Variants in CADM2 observed in about 807,000 individuals in gnomAD.
CADM2 encodes the protein immunoglobulin superfamily member 4D.
In CADM2, 12 loss-of-function variants were observed where a neutral mutation model predicts 49.8. That is an observed-to-expected ratio of 0.24 (90% CI 0.15 to 0.39). The LOEUF (loss-of-function observed/expected upper bound fraction) is 0.39, where lower values mean the gene tolerates loss of function less well. Among genes scored for constraint, CADM2 ranks in the 10% least tolerant of loss-of-function variants. The pLI is 1.00. For synonymous variants in CADM2, 214 were observed against 175.4 expected, an observed-to-expected ratio of 1.22 and a Z score of -1.74; for missense variants, 378 against 492.3, an observed-to-expected ratio of 0.77 and a Z score of 2.20.
At chr3:85,411,658 C>G (rs1331324191) in intron 1 of CADM2, among the ~76,000 whole-genome samples, 8 of 152,108 alleles carry the variant, frequency 5.3e-5, no homozygotes, top group Admixed American at 5.2e-4. Flanking sequence ...AGAGGAGGCT[C>G]TAATTTGTTG....
chr3:85,707,686 T>A (rs1157444192), intron 1 of CADM2, among the ~76,000 whole-genome samples: 2 of 152,164 alleles, frequency 1.3e-5, no homozygotes, highest in Non-Finnish European at 2.9e-5. Context: ...TTTCTCACAA[T>A]TTTTGTCAAT....
At chr3:85,163,305 A>C (rs927390776) in intron 1 of CADM2, among the ~76,000 whole-genome samples, 2 of 152,098 alleles carry the variant, frequency 1.3e-5, no homozygotes, top group African/African-American at 4.8e-5. Flanking sequence ...ATAATGTTTG[A>C]GGCAGACCTT....
intron 1 of CADM2, among the ~76,000 whole-genome samples, chr3:85,348,707 C>T (rs967747334): frequency 6.6e-6 from 1 of 152,106 alleles, no homozygotes; most frequent in Admixed American, 6.5e-5. Context: ...AACAAACTCA[C>T]TTATAATTAG....
chr3:85,382,088 A>G (rs2033940403), intron 1 of CADM2, among the ~76,000 whole-genome samples: 1 of 152,122 alleles, frequency 6.6e-6, no homozygotes, highest in Non-Finnish European at 1.5e-5. Context: ...TCAAATAATT[A>G]TTGTATAATT....
intron 1 of CADM2, among the ~76,000 whole-genome samples, chr3:85,292,703 G>A (rs550759437): frequency 3.9e-5 from 6 of 151,920 alleles, no homozygotes; most frequent in Non-Finnish European, 7.4e-5. Flanking sequence ...GGTACATAAC[G>A]AAATGAAGGC....
At chr3:85,900,226 C>G (rs1395903999) in intron 5 of CADM2, among the ~76,000 whole-genome samples, 1 of 152,068 alleles carries the variant, frequency 6.6e-6, no homozygotes, top group African/African-American at 2.4e-5. Flanking sequence ...TTCATCTAGA[C>G]TAGAAGGAGT....
intron 1 of CADM2, among the ~76,000 whole-genome samples, chr3:85,119,411 A>T (rs2038769190): frequency 6.6e-6 from 1 of 152,146 alleles, no homozygotes. Context: ...CTTGTAGTAT[A>T]GTTTAAAGTC....
chr3:85,195,747 A>G lies in CADM2; in HGVS notation c.61+236079A>G, dbSNP rs184511325. On this transcript the variant is annotated intron_variant, in intron 1 of 9. Transcript: ENST00000383699. ...TATAGAAAGTTTCTTTTATGCTTGC[A>G]ATTTTCTATTCAGATTTTTTCCAAA... is the stretch of plus-strand genomic sequence containing the variant. Among the ~76,000 whole-genome samples the G allele has an allele frequency of 4.3e-3, 651 of 152,138 alleles. 4 individuals are homozygous for G. Among genetic ancestry groups the G allele is most frequent in the Middle Eastern group, 0.017 (5 of 294 alleles).
intron 8 of CADM2, among the ~76,000 whole-genome samples, chr3:86,004,157 A>G (rs1467331534): frequency 1.3e-5 from 2 of 151,892 alleles, no homozygotes; most frequent in African/African-American, 4.9e-5. Flanking sequence ...AAAACAAAAC[A>G]AAACAAAAAA....
intron 1 of CADM2, among the ~76,000 whole-genome samples, chr3:85,036,357 A>G (rs1353444393): frequency 6.6e-6 from 1 of 152,202 alleles, no homozygotes; most frequent in Non-Finnish European, 1.5e-5. Flanking sequence ...TTAAATAATT[A>G]TAAGCAGTTG....
At chr3:85,906,058 G>T (rs13083559) in intron 5 of CADM2, among the ~76,000 whole-genome samples, 7,915 of 152,188 alleles carry the variant, frequency 0.052, 279 homozygotes, top group Middle Eastern at 0.099. Flanking sequence ...AGTCACACTT[G>T]CCTGCTGCTA....
chr3:85,098,687 C>T (rs754384807), intron 1 of CADM2, among the ~76,000 whole-genome samples: 5 of 152,178 alleles, frequency 3.3e-5, no homozygotes, highest in Non-Finnish European at 7.3e-5. Flanking sequence ...GGATCACCCA[C>T]GTATACCCAA....
chr3:86,056,014 C>A (rs1463640662), intron 8 of CADM2, among the ~76,000 whole-genome samples: 1 of 152,152 alleles, frequency 6.6e-6, no homozygotes, highest in African/African-American at 2.4e-5. Flanking sequence ...TTCTCAGCAG[C>A]AAATGGCCCC....
intron 3 of CADM2, among the ~76,000 whole-genome samples, chr3:85,863,716 T>C (rs1663338795): frequency 6.6e-6 from 1 of 152,116 alleles, no homozygotes; most frequent in Non-Finnish European, 1.5e-5. Flanking sequence ...TAGCGAAAAA[T>C]GATTGAAACA....
At chr3:85,479,759 A>G (rs1412519209) in intron 1 of CADM2, among the ~76,000 whole-genome samples, 1 of 151,960 alleles carries the variant, frequency 6.6e-6, no homozygotes, top group Non-Finnish European at 1.5e-5. Context: ...TGTATTAGGC[A>G]GTAACTCACT....
intron 3 of CADM2, among the ~76,000 whole-genome samples, chr3:85,848,844 T>G (rs1274653567): frequency 6.6e-6 from 1 of 152,200 alleles, no homozygotes; most frequent in Non-Finnish European, 1.5e-5. Flanking sequence ...ACTGGTCTAC[T>G]TCATTTCATC....
chr3:85,811,777 A>G lies in CADM2; in HGVS notation c.238+9581A>G, dbSNP rs914802665. On this transcript the variant is annotated intron_variant, in intron 3 of 9. Coordinates refer to ENST00000383699, the MANE Select transcript of CADM2 (RefSeq NM_001167675.2). Reference sequence around the variant, plus strand: ...TCAGACTGAGTAGATAGTCACCACCATTGTGTATATATTTTCCTCTCTCAA... The same window carrying G: ...TCAGACTGAGTAGATAGTCACCACCGTTGTGTATATATTTTCCTCTCTCAA... Among the ~76,000 whole-genome samples the G allele has an allele frequency of 5.3e-5, 8 of 151,960 alleles. No homozygotes were observed. The East Asian group carries it at 5.8e-4, about 11-fold the overall frequency.
At chr3:85,153,899 TAACA>T (rs1236110307) in intron 1 of CADM2, among the ~76,000 whole-genome samples, 2 of 152,042 alleles carry the variant, frequency 1.3e-5, no homozygotes, top group Non-Finnish European at 2.9e-5. Context: ...GAAGGAAAAC[TAACA>T]AACAGAAAGG....
rs1739635940 is a variant in CADM2, at chr3:86,069,291, TA to T, written c.*2512del. 1 of 151,940 alleles carries T rather than the reference TA, an allele frequency of 6.6e-6. No individual in the cohort carries two copies. Among genetic ancestry groups the T allele is most frequent in the Non-Finnish European group, 1.5e-5 (1 of 67,876 alleles). 9.4% of individuals were successfully genotyped at this position (151,940 alleles called of 1,614,324 possible). The stretch of plus-strand genomic sequence containing the variant: ...ACTCTTTTAACCCTTCAGAGTAATA[TA>T]AAATCTCATTAGAACTCTTATAAAA... On this transcript the variant is annotated 3_prime_UTR_variant, in exon 10 of 10. Coordinates refer to ENST00000383699, the MANE Select transcript of CADM2 (RefSeq NM_001167675.2).
Sources: allele counts gnomAD v4.1 joint callset (sites outside exome capture counted in the v4.1 genomes callset), GRCh38; gene constraint gnomAD v4.1.1; transcripts MANE v1.5; gene names NCBI Gene and HGNC (gene_info 2026-07-23, HGNC 2026-07-21).